PALS2: variants seen among roughly 807,000 people sequenced by gnomAD.
PALS2 encodes protein associated with LIN7 2, MAGUK p55 family member, also known as protein PALS2.
In PALS2, 27 loss-of-function variants were observed where a neutral mutation model predicts 61.6. The observed-to-expected ratio is 0.44, with a 90% confidence interval of 0.32 to 0.60. The LOEUF (loss-of-function observed/expected upper bound fraction) is 0.60. Ranked by LOEUF, PALS2 falls within the 20% of genes least tolerant of loss-of-function variation. The pLI, the probability that PALS2 is intolerant of heterozygous loss-of-function variation, is 0.05. For missense variants in PALS2, 554 were observed against 639.4 expected, an observed-to-expected ratio of 0.87 and a Z score of 1.44; for synonymous variants, 236 against 218.6, an observed-to-expected ratio of 1.08 and a Z score of -0.70.
intron 1 of PALS2, among the ~76,000 whole-genome samples, chr7:24,575,124 A>G (rs1490295869): frequency 1.3e-5 from 2 of 152,210 alleles, no homozygotes; most frequent in African/African-American, 4.8e-5. Context: ...ATTCTGGACT[A>G]CGGTTACATA....
At chr7:24,598,070 G>A in intron 1 of PALS2, among the ~76,000 whole-genome samples, 1 of 152,164 alleles carries the variant, frequency 6.6e-6, no homozygotes, top group East Asian at 1.9e-4. Context: ...GCCTAGGGCT[G>A]CCTATATTGA....
At chr7:24,613,358 A>T (rs949955883) in intron 1 of PALS2, among the ~76,000 whole-genome samples, 2 of 151,818 alleles carry the variant, frequency 1.3e-5, no homozygotes, top group Non-Finnish European at 3.0e-5. Context: ...GATTTTTAAA[A>T]TAAAGTTGTT....
chr7:24,629,678 G>A (rs1314014395), intron 2 of PALS2, among the ~76,000 whole-genome samples: 1 of 152,138 alleles, frequency 6.6e-6, no homozygotes, highest in Non-Finnish European at 1.5e-5. Context: ...GATATGAACA[G>A]ACATTTCTCA....
rs140107088 is a variant in PALS2, at chr7:24,612,867, G to A, written c.-2-10799G>A. Among the ~76,000 whole-genome samples the A allele has an allele frequency of 9.9e-4, 150 of 151,722 alleles. 2 individuals are homozygous for A. Among genetic ancestry groups the A allele is most frequent in the Non-Finnish European group, 8.9e-4 (60 of 67,698 alleles). ...AGTTTGAAAAGTAGTCATCGTAGTG[G>A]GCATTCTTGTCTAGTCCCTGACTTA... On this transcript the variant is annotated intron_variant, in intron 1 of 11. Transcript: ENST00000222644.
rs116136858 is a variant in PALS2 at position 24,667,262 on chromosome 7, G to A, written c.952+1173G>A. Among the ~76,000 whole-genome samples, 4 of 152,060 alleles carry A rather than the reference G, an allele frequency of 2.6e-5. No individual in the cohort carries two copies. The South Asian group carries it at 6.2e-4, about 24-fold the overall frequency. ...ATAGAAAATTTGTAATTTTCCCATC[G>A]ACTAAGATTATAATTTTGGGTTATG... On this transcript the variant is annotated intron_variant, in intron 8 of 11. Coordinates refer to ENST00000222644, the MANE Select transcript of PALS2 (RefSeq NM_001303037.2).
intron 1 of PALS2, among the ~76,000 whole-genome samples, chr7:24,615,686 G>T (rs1205165187): frequency 6.6e-6 from 1 of 151,910 alleles, no homozygotes; most frequent in Non-Finnish European, 1.5e-5. Flanking sequence ...TTGGAGGGGA[G>T]GGAATTCTTC....
intron 1 of PALS2, among the ~76,000 whole-genome samples, chr7:24,577,371 A>G (rs573679894): frequency 2.0e-5 from 3 of 151,614 alleles, no homozygotes; most frequent in African/African-American, 4.8e-5. Context: ...GTACTTGGGA[A>G]TGGAAGTTTC....
Position 24,691,370 on chromosome 7 carries a change from G to A in PALS2, c.*3756G>A, listed in dbSNP as rs538366841. ...ATAGCAGTTCATTTTTTAAATGTTC[G>A]AGTTGCCATATATTATGTATGTGTG... On this transcript the variant is annotated 3_prime_UTR_variant, in exon 12 of 12. Coordinates refer to ENST00000222644, the MANE Select transcript of PALS2 (RefSeq NM_001303037.2). 7.6e-6 allele frequency: 1 copy of A among 131,988 alleles called. No homozygotes were observed. Among genetic ancestry groups the A allele is most frequent in the Non-Finnish European group, 1.6e-5 (1 of 63,096 alleles). 8.2% of individuals were successfully genotyped at this position (131,988 alleles called of 1,614,324 possible).
intron 1 of PALS2, among the ~76,000 whole-genome samples, chr7:24,587,875 G>A (rs183945368): frequency 2.6e-5 from 4 of 152,258 alleles, no homozygotes; most frequent in Admixed American, 2.6e-4. Flanking sequence ...CAAGAAAAGT[G>A]GAGTGATTCT....
chr7:24,666,062 A>G lies in PALS2; in HGVS notation c.925A>G (p.Met309Val). 3 of 1,612,014 alleles carry G rather than the reference A, an allele frequency of 1.9e-6. No individual in the cohort carries two copies. The highest frequency in any genetic ancestry group is 2.5e-6 in the Non-Finnish European group (3 of 1,178,718). Residue 309 changes from methionine (M) to valine (V), a missense_variant, in exon 8 of 12, where the codon ATG becomes GTG. By Grantham distance (21) the Met-to-Val change is conservative. Coordinates refer to ENST00000222644, the MANE Select transcript of PALS2 (RefSeq NM_001303037.2). ...GTISSKKKKKMMYLTTRNAEF... is the reference protein window; with the variant it reads ...GTISSKKKKKVMYLTTRNAEF... ...TATAAGTAGCAAAAAAAAGAAAAAGATGATGTATCTCACAACCAGAAATGC... is the reference window on the plus strand; with the variant it reads ...TATAAGTAGCAAAAAAAAGAAAAAGGTGATGTATCTCACAACCAGAAATGC...
chr7:24,677,816 G>C (rs1184632295), intron 9 of PALS2, among the ~76,000 whole-genome samples: 1 of 152,152 alleles, frequency 6.6e-6, no homozygotes, highest in Admixed American at 6.5e-5. Context: ...AGTAGTCTAA[G>C]ACGACCACTC....
chr7:24,612,761 G>A (rs1784159360), intron 1 of PALS2, among the ~76,000 whole-genome samples: 1 of 151,734 alleles, frequency 6.6e-6, no homozygotes, highest in Non-Finnish European at 1.5e-5. Context: ...AGACCTTTCT[G>A]CAGTTCTTGA....
intron 1 of PALS2, among the ~76,000 whole-genome samples, chr7:24,614,100 A>G (rs1277767411): frequency 6.6e-6 from 1 of 151,898 alleles, no homozygotes; most frequent in Non-Finnish European, 1.5e-5. Flanking sequence ...CTTTGAATAA[A>G]TTCCCAGTAG....
intron 2 of PALS2, among the ~76,000 whole-genome samples, chr7:24,640,629 G>C (rs142472999): frequency 6.6e-6 from 1 of 152,162 alleles, no homozygotes; most frequent in Non-Finnish European, 1.5e-5. Context: ...AGAAAAGCAA[G>C]GAATGCTTAA....
chr7:24,615,514 A>G (rs1784264024), intron 1 of PALS2, among the ~76,000 whole-genome samples: 1 of 152,020 alleles, frequency 6.6e-6, no homozygotes, highest in Non-Finnish European at 1.5e-5. Context: ...TCCTGGACAT[A>G]TAAAACCTAC....
rs991736013 is a variant in PALS2 at position 24,690,262 on chromosome 7, G to A, written c.*2648G>A. On this transcript the variant is annotated 3_prime_UTR_variant, in exon 12 of 12. Transcript: ENST00000222644. ...GCAGGAATGAGCAGTGCTCTGCGGG[G>A]GCAAACAGCCCCAGAGGTCCCAGGG... 6.6e-6 allele frequency: 1 copy of A among 152,198 alleles called. No individual in the cohort carries two copies. Among genetic ancestry groups the A allele is most frequent in the Non-Finnish European group, 1.5e-5 (1 of 68,038 alleles). 9.4% of individuals were successfully genotyped at this position (152,198 alleles called of 1,614,324 possible). A position where few individuals can be genotyped will look rare whatever the true frequency, so the allele number is the denominator to read the frequency against.
In PALS2 at chr7:24,692,296, G is replaced by A. The variant is rs1029097173; in HGVS notation, c.*4682G>A. ...GTGATAAAAGTAAAGACAGGGTACT[G>A]GCCAAGATCCTAATTCTGACTTCTG... On this transcript the variant is annotated 3_prime_UTR_variant, in exon 12 of 12. Transcript: ENST00000222644. 2 of 152,130 alleles carry A rather than the reference G, an allele frequency of 1.3e-5. No homozygotes were observed. Among genetic ancestry groups the A allele is most frequent in the African/African-American group, 4.8e-5 (2 of 41,442 alleles). 9.4% of individuals were successfully genotyped at this position (152,130 alleles called of 1,614,324 possible). A position where few individuals can be genotyped will look rare whatever the true frequency, so the allele number is the denominator to read the frequency against.
In PALS2 at chr7:24,656,359, A is replaced by G. The variant is rs1032683144; in HGVS notation, c.651+5647A>G. ...TGTATTCCTGTGCAATATTTCCTCA[A>G]TACTTTTACTGTTTTTATCTTTACT... On this transcript the variant is annotated intron_variant, in intron 5 of 11. Coordinates refer to ENST00000222644, the MANE Select transcript of PALS2 (RefSeq NM_001303037.2). Among the ~76,000 whole-genome samples the G allele has an allele frequency of 2.6e-5, 4 of 152,288 alleles. No individual in the cohort carries two copies. The East Asian group carries it at 5.8e-4, about 22-fold the overall frequency.
chr7:24,577,106 TAGACTAATTCAA>T (rs1209455527), intron 1 of PALS2, among the ~76,000 whole-genome samples: 1 of 152,182 alleles, frequency 6.6e-6, no homozygotes, highest in Non-Finnish European at 1.5e-5. Flanking sequence ...TTAATTATGA[TAGACTAATTCAA>T]AGACCTTTCT....
Sources: gnomAD v4.1 joint callset for allele counts (sites outside exome capture counted in the v4.1 genomes callset) on GRCh38, gnomAD v4.1.1 for gene constraint, MANE v1.5 for transcripts, NCBI Gene and HGNC (gene_info 2026-07-23, HGNC 2026-07-21) for gene names.